The following CEP20 variants were observed in gnomAD, a reference collection of about 807,000 sequenced individuals.
CEP20 encodes the protein FGFR1OP N-terminal like.
CEP20 carries 18 observed loss-of-function variants against 20.0 expected under a neutral mutation model. The observed-to-expected ratio is 0.90, with a 90% CI of 0.62 to 1.34. The LOEUF (loss-of-function observed/expected upper bound fraction) is 1.34, where lower values mean the gene tolerates loss of function less well. Among genes scored for constraint, CEP20 ranks in the 40% most tolerant of loss-of-function variants. The pLI, the probability that CEP20 is intolerant of heterozygous loss-of-function variation, is 0.00. For synonymous variants in CEP20, 77 were observed against 73.7 expected, an observed-to-expected ratio of 1.04 and a Z score of -0.23; for missense variants, 215 against 201.6, an observed-to-expected ratio of 1.07 and a Z score of -0.40.
intron 3 of CEP20, among the ~76,000 whole-genome samples, chr16:15,878,032 C>T (rs564277423): frequency 2.9e-4 from 43 of 149,558 alleles, no homozygotes; most frequent in Non-Finnish European, 3.5e-4. Flanking sequence ...CCAGCATGGG[C>T]GACAGAGCGA....
In CEP20 at chr16:15,879,899, TAAATTC is replaced by T. The variant is rs2045059447; in HGVS notation, c.227-17_227-12del. The T allele has an allele frequency of 6.4e-7, 1 of 1,560,040 alleles. No homozygotes were observed. The highest frequency in any genetic ancestry group is 1.4e-5 in the African/African-American group (1 of 71,824). On this transcript the variant is annotated splice_polypyrimidine_tract_variant and intron_variant, in intron 2 of 4. Transcript: ENST00000255759. ...CAGGTTGACCAGATTCTGGGAGAAATAAATTCATGAGAACACTCAGTCTATTAAACT... is the reference window on the plus strand; with the variant it reads ...CAGGTTGACCAGATTCTGGGAGAAATATGAGAACACTCAGTCTATTAAACT...
In CEP20 at chr16:15,873,538, G is replaced by C. The variant is rs201235494; in HGVS notation, c.401C>G (p.Pro134Arg). 6.2e-7 allele frequency: 1 copy of C among 1,614,052 alleles called. No individual in the cohort carries two copies. Among genetic ancestry groups the C allele is most frequent in the African/African-American group, 1.3e-5 (1 of 75,056 alleles). ...NAFLKGPSLQ[P>R]SDPSLGRQPS... is the part of the protein sequence containing the mutation. ...TTGTCTGCCAAGACTTGGGTCTGAA[G>C]GCTGAAGTGAAGGCCCTTTCAGAAA... The change falls in exon 4 of 5, where the codon CCT (proline) becomes CGT (arginine). Residue 134 changes from proline (P) to arginine (R), a missense_variant. Physicochemically the swap from Pro to Arg is moderately radical, Grantham distance 103. Transcript: ENST00000255759.
chr16:15,886,787 A>G (rs943768097), intron 1 of CEP20, among the ~76,000 whole-genome samples: 4 of 152,244 alleles, frequency 2.6e-5, no homozygotes, highest in African/African-American at 9.6e-5. Context: ...TTGGAGGTCC[A>G]TAGCATTTTA....
Position 15,884,110 on chromosome 16 carries a change from G to T in CEP20, c.124C>A (p.Pro42Thr), listed in dbSNP as rs368254453. 6.2e-7 allele frequency: 1 copy of T among 1,614,094 alleles called. No homozygotes were observed. Among genetic ancestry groups the T allele is most frequent in the Admixed American group, 1.7e-5 (1 of 60,024 alleles). Residue 42 changes from proline (P) to threonine (T), a missense_variant, in exon 2 of 5, where the codon CCC (proline) becomes ACC (threonine). Coordinates refer to ENST00000255759, the MANE Select transcript of CEP20 (RefSeq NM_144600.4). Reference sequence around the variant, plus strand: ...TTTTCATGAGACAATGATGGTCGGGGTTCACGGTCATCATCTAGGGCATTG... The same window carrying T: ...TTTTCATGAGACAATGATGGTCGGGTTTCACGGTCATCATCTAGGGCATTG... Reference protein sequence around the residue: ...VFNALDDDREPRPSLSHENLL... With the variant: ...VFNALDDDRETRPSLSHENLL...
intron 3 of CEP20, among the ~76,000 whole-genome samples, chr16:15,874,082 T>C (rs560289123): frequency 6.6e-6 from 1 of 152,340 alleles, no homozygotes; most frequent in East Asian, 1.9e-4. Flanking sequence ...ATTTGCTAGC[T>C]GTGGGACTCT....
chr16:15,878,203 G>C (rs2045003331), intron 3 of CEP20, among the ~76,000 whole-genome samples: 1 of 152,182 alleles, frequency 6.6e-6, no homozygotes, highest in South Asian at 2.1e-4. Context: ...AGAAGAGGGA[G>C]AAAGGTGATG....
At chr16:15,867,543 T>C in intron 4 of CEP20, 27 bp from the exon 5 acceptor site, 2 of 1,525,324 alleles carry the variant, frequency 1.3e-6, no homozygotes, top group Non-Finnish European at 1.8e-6. Flanking sequence ...CCAATGTTAA[T>C]ACTTATCCCA....
At chr16:15,888,076 TAAA>T (rs60631057) in intron 1 of CEP20, among the ~76,000 whole-genome samples, 65 of 130,766 alleles carry the variant, frequency 5.0e-4, no homozygotes, top group Admixed American at 7.8e-4. Context: ...ACCCTCTCTT[TAAA>T]AAAAAAAAAA....
chr16:15,872,036 T>C (rs1319275880), intron 4 of CEP20, among the ~76,000 whole-genome samples: 1 of 152,110 alleles, frequency 6.6e-6, no homozygotes, highest in Non-Finnish European at 1.5e-5. Flanking sequence ...AGCTCTTGGT[T>C]GGGCGCGGTG....
rs1222612516 is a variant in CEP20 at position 15,879,815 on chromosome 16, C to G, written c.300G>C (p.Lys100Asn). Residue 100 changes from lysine (K) to asparagine (N), a missense_variant, in exon 3 of 5, where the codon AAG becomes AAC. Physicochemically the swap from Lys to Asn is moderately conservative, Grantham distance 94. Transcript: ENST00000255759. ...IHELNAFEES[K>N]DNTIPLLYGI... ...AAAAAATGTCTTACATTGTATTATC[C>G]TTTGATTCTTCAAATGCATTTAGTT... 1.9e-6 allele frequency: 3 copies of G among 1,573,312 alleles called. No homozygotes were observed. Among genetic ancestry groups the G allele is most frequent in the Non-Finnish European group, 2.6e-6 (3 of 1,165,340 alleles).
intron 1 of CEP20, among the ~76,000 whole-genome samples, chr16:15,885,314 C>A (rs1300301354): frequency 1.4e-5 from 2 of 144,738 alleles, no homozygotes; most frequent in South Asian, 2.1e-4. Context: ...TTTAAAACAA[C>A]CAACCAACCA....
Position 15,865,883 on chromosome 16 carries a change from C to T in CEP20, c.*1557G>A, listed in dbSNP as rs1008969926. The T allele has an allele frequency of 6.6e-6, 1 of 152,214 alleles. No homozygotes were observed. The highest frequency in any genetic ancestry group is 2.4e-5 in the African/African-American group (1 of 41,464). 9.4% of individuals were successfully genotyped at this position (152,214 alleles called of 1,614,324 possible). A position where few individuals can be genotyped will look rare whatever the true frequency, so the allele number is the denominator to read the frequency against. ...TTATATCAGTATCCAAAATTATATA[C>T]TCCAGCATTTTTTCCGAATATAGTC... On this transcript the variant is annotated 3_prime_UTR_variant, in exon 5 of 5. Coordinates refer to ENST00000255759, the MANE Select transcript of CEP20 (RefSeq NM_144600.4).
At chr16:15,872,964 A>C (rs1444795724) in intron 4 of CEP20, among the ~76,000 whole-genome samples, 1 of 151,978 alleles carries the variant, frequency 6.6e-6, no homozygotes, top group Non-Finnish European at 1.5e-5. Context: ...TTTTGCAGTC[A>C]TGGAGAGGAA....
chr16:15,884,555 G>T (rs2151432375), intron 1 of CEP20, among the ~76,000 whole-genome samples: 1 of 152,198 alleles, frequency 6.6e-6, no homozygotes, highest in Admixed American at 6.5e-5. Context: ...AGGCTGGAGT[G>T]CAGTGGCACG....
At chr16:15,878,514 T>G (rs1174670265) in intron 3 of CEP20, among the ~76,000 whole-genome samples, 2 of 126,296 alleles carry the variant, frequency 1.6e-5, no homozygotes, top group African/African-American at 3.0e-5. Flanking sequence ...TTTTTTTTTT[T>G]GAGACAGGGT....
chr16:15,873,676 T>A (rs2044877085), intron 3 of CEP20, 49 bp from the exon 4 acceptor site: 2 of 1,560,486 alleles, frequency 1.3e-6, no homozygotes, highest in Non-Finnish European at 1.7e-6. Context: ...TAAATCTGCA[T>A]AAACGGGAAA....
chr16:15,882,731 A>ATATCTATCTATCTATCTACC (rs1007837818), intron 2 of CEP20, among the ~76,000 whole-genome samples: 48 of 145,662 alleles, frequency 3.3e-4, no homozygotes, highest in Middle Eastern at 6.9e-3. Context: ...TATCTCCATT[A>ATATCTATCTATCTATCTACC]TATCTATCTA....
At position 15,884,028 on chromosome 16, in the gene CEP20, G is replaced by T; in HGVS notation, c.206C>A (p.Thr69Lys). 2.5e-6 allele frequency: 4 copies of T among 1,612,556 alleles called. No homozygotes were observed. The highest frequency in any genetic ancestry group is 3.4e-6 in the Non-Finnish European group (4 of 1,178,872). The change falls in exon 2 of 5, where the codon ACA becomes AAA. Residue 69 changes from threonine (T) to lysine (K), a missense_variant. Transcript: ENST00000255759. ...EYLEFNKYKYTASVLIAESGQ... is the reference protein window; with the variant it reads ...EYLEFNKYKYKASVLIAESGQ... Reference sequence around the variant, plus strand: ...CTTACCTGCTATGAGGACAGATGCTGTATACTTATATTTGTTGAATTCTAA... The same window carrying T: ...CTTACCTGCTATGAGGACAGATGCTTTATACTTATATTTGTTGAATTCTAA...
At chr16:15,878,011 G>A (rs1470729581) in intron 3 of CEP20, among the ~76,000 whole-genome samples, 1 of 151,844 alleles carries the variant, frequency 6.6e-6, no homozygotes, top group Non-Finnish European at 1.5e-5. Flanking sequence ...CTGAGATGGG[G>A]CCACTGCACT....
Sources: gnomAD v4.1 joint callset for allele counts (sites outside exome capture counted in the v4.1 genomes callset) on GRCh38, gnomAD v4.1.1 for gene constraint, MANE v1.5 for transcripts, NCBI Gene and HGNC (gene_info 2026-07-23, HGNC 2026-07-21) for gene names.